EEF2K: variants seen among roughly 807,000 people sequenced by gnomAD.
EEF2K encodes alternative protein EEF2K.
In EEF2K, 70 loss-of-function variants were observed where a neutral mutation model predicts 93.8. That is an observed-to-expected ratio of 0.75 (90% CI 0.62 to 0.91). The LOEUF is 0.91. Among genes scored for constraint, EEF2K ranks in the 40% least tolerant of loss-of-function variants. The pLI, the probability that EEF2K is intolerant of heterozygous loss-of-function variation, is 0.00. For synonymous variants in EEF2K, 376 were observed against 380.8 expected, an observed-to-expected ratio of 0.99 and a Z score of 0.15; for missense variants, 935 against 972.9, an observed-to-expected ratio of 0.96 and a Z score of 0.52.
rs975038445 is a variant in EEF2K, at chr16:22,266,320, G to A, written c.1441-70G>A. 5 of 1,552,350 alleles carry A rather than the reference G, an allele frequency of 3.2e-6. No individual in the cohort carries two copies. The African/African-American group carries it at 5.5e-5, about 17-fold the overall frequency. On this transcript the variant is annotated intron_variant, in intron 13 of 17. Coordinates refer to ENST00000263026, the MANE Select transcript of EEF2K (RefSeq NM_013302.5). ...TCCAGCCAGGCTCCTGTGTAGTAGG[G>A]GCTGCTGACAGCTGTGATGCTGCGT...
At chr16:22,260,383 A>G in intron 10 of EEF2K, 79 bp from the exon 11 acceptor site, 1 of 1,484,818 alleles carries the variant, frequency 6.7e-7, no homozygotes, top group Non-Finnish European at 9.2e-7. Flanking sequence ...GCAGGTATGG[A>G]CCGCCCTAGG....
chr16:22,264,159 G>A (rs976923176), intron 12 of EEF2K, among the ~76,000 whole-genome samples: 2 of 151,824 alleles, frequency 1.3e-5, no homozygotes, highest in Non-Finnish European at 2.9e-5. Context: ...GGGTGCAGTG[G>A]TGCACTCCTC....
At chr16:22,234,877 C>CCTTTT in intron 2 of EEF2K, among the ~76,000 whole-genome samples, 1 of 90,628 alleles carries the variant, frequency 1.1e-5, no homozygotes, top group Non-Finnish European at 2.1e-5. Flanking sequence ...TTTTTTGTTG[C>CCTTTT]TTTTTTTTTT....
chr16:22,209,840 TG>T (rs2046898301), intron 1 of EEF2K, among the ~76,000 whole-genome samples: 1 of 152,208 alleles, frequency 6.6e-6, no homozygotes, highest in African/African-American at 2.4e-5. Flanking sequence ...TCACCCAGGC[TG>T]CGGTGCAGTG....
chr16:22,247,629 C>T (rs1269493162), intron 3 of EEF2K, among the ~76,000 whole-genome samples: 1 of 152,102 alleles, frequency 6.6e-6, no homozygotes, highest in Non-Finnish European at 1.5e-5. Context: ...AGTCTGTTAC[C>T]ATTAGCTCAT....
At chr16:22,241,848 G>C (rs2047226889) in intron 2 of EEF2K, among the ~76,000 whole-genome samples, 1 of 152,002 alleles carries the variant, frequency 6.6e-6, no homozygotes, top group Non-Finnish European at 1.5e-5. Context: ...GCCCCAGCAG[G>C]CTAGGTGCAG....
rs775556478 is a variant in EEF2K, at chr16:22,244,812, T to C, written c.347+82T>C. 31 of 1,412,176 alleles carry C rather than the reference T, an allele frequency of 2.2e-5. No homozygotes were observed. In the Middle Eastern group the frequency reaches 1.2e-3, roughly 56 times the overall value. 87.5% of individuals were successfully genotyped at this position (1,412,176 alleles called of 1,614,324 possible). On this transcript the variant is annotated intron_variant, in intron 3 of 17. Transcript: ENST00000263026. Reference sequence around the variant, plus strand: ...TTCCCAATCAGTGAGGCCTAAGTACTCTTGGGGGTCAGGGGAAGGGAGTAA... The same window carrying C: ...TTCCCAATCAGTGAGGCCTAAGTACCCTTGGGGGTCAGGGGAAGGGAGTAA...
intron 12 of EEF2K, among the ~76,000 whole-genome samples, chr16:22,263,992 T>A (rs984023214): frequency 1.3e-5 from 2 of 151,894 alleles, no homozygotes; most frequent in Non-Finnish European, 2.9e-5. Flanking sequence ...AGCTTTATGA[T>A]TGTGAATAAA....
chr16:22,240,513 T>A (rs2047211376), intron 2 of EEF2K, among the ~76,000 whole-genome samples: 1 of 152,162 alleles, frequency 6.6e-6, no homozygotes. Flanking sequence ...AAGATTTGGA[T>A]AGGAAGATGT....
intron 2 of EEF2K, among the ~76,000 whole-genome samples, chr16:22,239,091 T>TA (rs10627624): frequency 3.3e-4 from 49 of 147,064 alleles, no homozygotes; most frequent in South Asian, 8.6e-4. Context: ...CTGTGCTTAT[T>TA]AAAAAAAAAA....
chr16:22,208,277 C>T (rs534186464), intron 1 of EEF2K, among the ~76,000 whole-genome samples: 386 of 152,274 alleles, frequency 2.5e-3, no homozygotes, highest in Non-Finnish European at 3.9e-3. Context: ...AATCTCAGTA[C>T]TTTGGGAGAC....
intron 15 of EEF2K, among the ~76,000 whole-genome samples, chr16:22,272,689 G>A (rs1360103995): frequency 2.0e-5 from 3 of 149,010 alleles, no homozygotes; most frequent in Non-Finnish European, 3.0e-5. Flanking sequence ...TTTTTGAGAC[G>A]GTGTCTCTGT....
intron 15 of EEF2K, among the ~76,000 whole-genome samples, chr16:22,267,394 AC>A (rs1441580225): frequency 6.6e-6 from 1 of 151,952 alleles, no homozygotes; most frequent in African/African-American, 2.4e-5. Flanking sequence ...GGAGATCGAG[AC>A]CAGCCTGGCC....
intron 15 of EEF2K, among the ~76,000 whole-genome samples, chr16:22,268,800 A>G (rs185292911): frequency 6.6e-6 from 1 of 152,106 alleles, no homozygotes; most frequent in East Asian, 1.9e-4. Context: ...TACCAAAAAT[A>G]TAACAAATTA....
chr16:22,277,623 A>G (rs900335880), intron 16 of EEF2K, among the ~76,000 whole-genome samples: 17 of 152,206 alleles, frequency 1.1e-4, no homozygotes, highest in African/African-American at 4.1e-4. Context: ...CTTCTAGTCA[A>G]GGGACACCAT....
intron 3 of EEF2K, among the ~76,000 whole-genome samples, chr16:22,246,716 A>T (rs1043361435): frequency 6.6e-6 from 1 of 151,290 alleles, no homozygotes; most frequent in Admixed American, 6.6e-5. Context: ...CCTGTCTCTC[A>T]CCCCTTGTTG....
chr16:22,220,270 G>T (rs1440201459), intron 1 of EEF2K, among the ~76,000 whole-genome samples: 1 of 152,216 alleles, frequency 6.6e-6, no homozygotes, highest in Non-Finnish European at 1.5e-5. Context: ...GCCAGGCAGG[G>T]TCACAGCTGC....
chr16:22,256,884 G>A lies in EEF2K; in HGVS notation c.755G>A (p.Arg252His), dbSNP rs776895348. 1.9e-5 allele frequency: 31 copies of A among 1,613,848 alleles called. No homozygotes were observed. Among genetic ancestry groups the A allele is most frequent in the African/African-American group, 5.3e-5 (4 of 74,916 alleles). The change falls in exon 7 of 18, where the codon CGC (arginine) becomes CAC (histidine). Residue 252 changes from arginine to histidine, a missense_variant. Transcript: ENST00000263026. ...GGCTTTGTCCGCGATGACAACATCC[G>A]CCTGACGCCGCAGGTGAGGCCGAGC... ...NSGFVRDDNI[R>H]LTPQAFSHFT...
chr16:22,213,058 T>C (rs2046929941), intron 1 of EEF2K, among the ~76,000 whole-genome samples: 1 of 151,960 alleles, frequency 6.6e-6, no homozygotes, highest in African/African-American at 2.4e-5. Flanking sequence ...GATGGGTGGA[T>C]CACCTGAGGT....
Sources: gnomAD v4.1 joint callset for allele counts (sites outside exome capture counted in the v4.1 genomes callset) on GRCh38, gnomAD v4.1.1 for gene constraint, MANE v1.5 for transcripts, NCBI Gene and HGNC (gene_info 2026-07-23, HGNC 2026-07-21) for gene names.